The following WASF3 variants were observed in gnomAD, a reference collection of about 807,000 sequenced individuals.
WASF3 encodes actin-binding protein WASF3.
In WASF3, 11 loss-of-function variants were observed where a neutral mutation model predicts 46.6. The ratio of observed to expected loss-of-function variants is 0.24; its 90% CI spans 0.15 to 0.39. WASF3 has a LOEUF of 0.39. Ranked by LOEUF, WASF3 falls within the 10% of genes least tolerant of loss-of-function variation. The probability of loss-of-function intolerance (pLI) is 1.00; values close to 1 mark genes in which losing one functional copy is unlikely to be tolerated. For missense variants in WASF3, 576 were observed against 669.8 expected (o/e 0.86, Z 1.55); for synonymous variants, 242 against 259.7 (o/e 0.93, Z 0.65).
chr13:26,552,808 T>C (rs569408758), upstream of WASF3, among the ~76,000 whole-genome samples: 6 of 152,312 alleles, frequency 3.9e-5, no homozygotes, highest in African/African-American at 9.6e-5. Context: ...TAAGATGACA[T>C]GTTATTAAGT....
At chr13:26,580,579 T>G (rs1383762447) in intron 1 of WASF3, among the ~76,000 whole-genome samples, 3 of 152,120 alleles carry the variant, frequency 2.0e-5, no homozygotes, top group Non-Finnish European at 4.4e-5. Context: ...GCTGCCTAAT[T>G]CTCAGGTCAA....
At chr13:26,583,686 C>G (rs771896642) in intron 1 of WASF3, among the ~76,000 whole-genome samples, 5 of 152,256 alleles carry the variant, frequency 3.3e-5, no homozygotes, top group Middle Eastern at 3.4e-3. Flanking sequence ...GTACTTTACC[C>G]TCTGTATTTC....
At chr13:26,602,972 A>G (rs998621117) in intron 1 of WASF3, among the ~76,000 whole-genome samples, 3 of 152,194 alleles carry the variant, frequency 2.0e-5, no homozygotes, top group South Asian at 2.1e-4. Flanking sequence ...TTGGTATCCA[A>G]CAGATTGCTG....
chr13:26,599,836 T>C (rs1880594726), intron 1 of WASF3, among the ~76,000 whole-genome samples: 1 of 152,212 alleles, frequency 6.6e-6, no homozygotes, highest in Admixed American at 6.5e-5. Flanking sequence ...TGTGTAATGT[T>C]ATAGAATGGA....
At position 26,605,290 on chromosome 13, in the gene WASF3, T is replaced by C. The variant is rs182489657; in HGVS notation, c.-108-7671T>C. Among the ~76,000 whole-genome samples, 351 of 152,364 alleles carry C rather than the reference T, an allele frequency of 2.3e-3. 2 individuals are homozygous for C. Among genetic ancestry groups the C allele is most frequent in the Middle Eastern group, 6.8e-3 (2 of 294 alleles). ...TCAAGCTGGAAGCCTTGTTTTATCA[T>C]GAGAAAGTTATTATTATTTTATCTT... On this transcript the variant is annotated intron_variant, in intron 1 of 9. Coordinates refer to ENST00000335327, the MANE Select transcript of WASF3 (RefSeq NM_006646.6).
At chr13:26,549,002 A>G in the WASF3 span, among the ~76,000 whole-genome samples, 12 of 111,040 alleles carry the variant, frequency 1.1e-4, no homozygotes, top group Non-Finnish European at 2.2e-4. Flanking sequence ...TTTTTTTTTT[A>G]GATGGAGTCT....
Position 26,677,589 on chromosome 13 carries a change from C to T in WASF3, c.716+865C>T, listed in dbSNP as rs140181000. Among the ~76,000 whole-genome samples the T allele has an allele frequency of 5.7e-3, 869 of 152,270 alleles. 10 individuals are homozygous for T. The highest frequency in any genetic ancestry group is 0.02 in the African/African-American group (824 of 41,548). ...TTTAGCACAAACTCTTAACGTATTA[C>T]GTGCCTTCAATGTTCCCACCCCAGA... is the stretch of plus-strand genomic sequence containing the variant. On this transcript the variant is annotated intron_variant, in intron 7 of 9. Coordinates refer to ENST00000335327, the MANE Select transcript of WASF3 (RefSeq NM_006646.6).
chr13:26,680,946 G>T, intron 7 of WASF3, 108 bp from the exon 8 acceptor site: 1 of 1,387,852 alleles, frequency 7.2e-7, no homozygotes, highest in Non-Finnish European at 9.9e-7. Flanking sequence ...ATTAATGTCT[G>T]ATTTTTGTGT....
intron 2 of WASF3, among the ~76,000 whole-genome samples, chr13:26,628,802 G>A (rs1272010694): frequency 6.6e-6 from 1 of 152,210 alleles, no homozygotes; most frequent in Non-Finnish European, 1.5e-5. Context: ...GAAGCACAAA[G>A]TTCCCCTGGG....
chr13:26,636,016 A>G (rs529094738), intron 2 of WASF3, among the ~76,000 whole-genome samples: 13 of 152,240 alleles, frequency 8.5e-5, no homozygotes, highest in Non-Finnish European at 1.8e-4. Flanking sequence ...CTCAAACGCC[A>G]TGCTGGGAGA....
the WASF3 span, among the ~76,000 whole-genome samples, chr13:26,544,930 T>A: frequency 6.6e-6 from 1 of 152,222 alleles, no homozygotes; most frequent in African/African-American, 2.4e-5. Context: ...GTCCACCCAG[T>A]GTATGCTAAG....
intron 1 of WASF3, among the ~76,000 whole-genome samples, chr13:26,583,060 G>C (rs959787242): frequency 6.7e-6 from 1 of 150,352 alleles, no homozygotes; most frequent in Admixed American, 6.6e-5. Flanking sequence ...TGAAGCCTAG[G>C]GTCTTAGTGG....
rs140735900 is a variant in WASF3, at chr13:26,600,649, G to A, written c.-108-12312G>A. Among the ~76,000 whole-genome samples, 9 of 152,342 alleles carry A rather than the reference G, an allele frequency of 5.9e-5. No individual in the cohort carries two copies. The East Asian group carries it at 1.7e-3, about 29-fold the overall frequency. ...TTTCACAATGCTCATGGGAGCTGGG[G>A]TGTCTCCGTTCTGCTGTTGGTTGGT... On this transcript the variant is annotated intron_variant, in intron 1 of 9. Coordinates refer to ENST00000335327, the MANE Select transcript of WASF3 (RefSeq NM_006646.6).
At chr13:26,617,987 T>A (rs998864141) in intron 2 of WASF3, among the ~76,000 whole-genome samples, 1 of 152,188 alleles carries the variant, frequency 6.6e-6, no homozygotes, top group African/African-American at 2.4e-5. Context: ...TTGGTAAGTT[T>A]CCTGAGGCCT....
intron 2 of WASF3, chr13:26,638,112 G>A (rs1201376597): frequency 2.0e-5 from 3 of 152,182 alleles, no homozygotes; most frequent in Non-Finnish European, 2.9e-5. Flanking sequence ...CAGCAGAGCC[G>A]ATGAGGGGTT....
intron 3 of WASF3, among the ~76,000 whole-genome samples, chr13:26,645,383 A>G (rs1349459965): frequency 6.6e-6 from 1 of 152,188 alleles, no homozygotes; most frequent in Non-Finnish European, 1.5e-5. Flanking sequence ...ATAAATTTCT[A>G]TTGTTTATAA....
intron 2 of WASF3, chr13:26,626,082 A>C (rs2137250895): frequency 6.6e-6 from 1 of 152,360 alleles, no homozygotes; most frequent in East Asian, 1.9e-4. Flanking sequence ...ACTTTTATTC[A>C]GGACCATTGC....
chr13:26,686,437 C>G lies in WASF3; in HGVS notation c.*592C>G, dbSNP rs1883407408. On this transcript the variant is annotated 3_prime_UTR_variant, in exon 10 of 10. Coordinates refer to ENST00000335327, the MANE Select transcript of WASF3 (RefSeq NM_006646.6). ...GCTCTGCTGAATAATTTCATTACCT[C>G]TGCACATGCCTGTCAAATATGAAAT... is the stretch of plus-strand genomic sequence containing the variant. 1 of 152,254 alleles carries G rather than the reference C, an allele frequency of 6.6e-6. No individual in the cohort carries two copies. Among genetic ancestry groups the G allele is most frequent in the Non-Finnish European group, 1.5e-5 (1 of 68,068 alleles). 9.4% of individuals were successfully genotyped at this position (152,254 alleles called of 1,614,324 possible).
intron 1 of WASF3, among the ~76,000 whole-genome samples, chr13:26,604,191 A>T (rs1475063626): frequency 6.6e-6 from 1 of 152,242 alleles, no homozygotes; most frequent in Non-Finnish European, 1.5e-5. Flanking sequence ...TTTGCAAGAT[A>T]GTTAAACTAA....
Sources: allele counts gnomAD v4.1 joint callset (sites outside exome capture counted in the v4.1 genomes callset), GRCh38; gene constraint gnomAD v4.1.1; transcripts MANE v1.5; gene names NCBI Gene and HGNC (gene_info 2026-07-23, HGNC 2026-07-21).